Variants in SEMA3E observed in about 807,000 individuals in gnomAD.
SEMA3E encodes the protein semaphorin 3E.
In SEMA3E, 49 loss-of-function variants were observed where a neutral mutation model predicts 93.6. The ratio of observed to expected loss-of-function variants is 0.52; its 90% CI spans 0.42 to 0.66. SEMA3E has a LOEUF of 0.66. SEMA3E is among the 30% of genes least tolerant of loss of function. The pLI, the probability that SEMA3E is intolerant of heterozygous loss-of-function variation, is 0.00. For synonymous variants in SEMA3E, 363 were observed against 330.7 expected (o/e 1.10, Z -1.06); for missense variants, 906 against 964.8 (o/e 0.94, Z 0.81).
At chr7:83,394,466 A>G (rs2115590165) in intron 12 of SEMA3E, 128 bp from the exon 13 acceptor site, 1 of 755,180 alleles carries the variant, frequency 1.3e-6, no homozygotes, top group South Asian at 1.8e-5. Context: ...TATAGCTTTC[A>G]TTTTAGTAAA....
rs1167452294 is a variant in SEMA3E, at chr7:83,371,020, G to C, written c.1876-2982C>G. On this transcript the variant is annotated intron_variant, in intron 16 of 16. Coordinates refer to ENST00000643230, the MANE Select transcript of SEMA3E (RefSeq NM_012431.3). ...GCTTAATGTAGTGTTTCTCAAACTA[G>C]CGTTGGTGGAAGAGGTGCATTTGTG... is the stretch of plus-strand genomic sequence containing the variant. Among the ~76,000 whole-genome samples, 5 of 151,344 alleles carry C rather than the reference G, an allele frequency of 3.3e-5. No individual in the cohort carries two copies. In the Admixed American group the frequency reaches 3.3e-4, roughly 10 times the overall value.
At chr7:83,632,380 T>G (rs1482634113) in intron 1 of SEMA3E, among the ~76,000 whole-genome samples, 2 of 152,130 alleles carry the variant, frequency 1.3e-5, no homozygotes, top group East Asian at 3.9e-4. Context: ...CACCCAAATC[T>G]CAGCTTTAAT....
At chr7:83,636,486 G>A (rs1288832187) in intron 1 of SEMA3E, among the ~76,000 whole-genome samples, 1 of 152,066 alleles carries the variant, frequency 6.6e-6, no homozygotes, top group African/African-American at 2.4e-5. Flanking sequence ...TATATTAAAT[G>A]CAATACATAA....
intron 12 of SEMA3E, among the ~76,000 whole-genome samples, 187 bp from the exon 13 acceptor site, chr7:83,394,525 C>G (rs1290312918): frequency 2.6e-5 from 4 of 152,070 alleles, no homozygotes; most frequent in Admixed American, 2.6e-4. Flanking sequence ...TTGTTTCTAA[C>G]AGGGTGGGCA....
At chr7:83,576,622 T>C (rs1048469397) in intron 1 of SEMA3E, among the ~76,000 whole-genome samples, 3 of 152,104 alleles carry the variant, frequency 2.0e-5, no homozygotes, top group Non-Finnish European at 4.4e-5. Flanking sequence ...TCTCTCTATA[T>C]ATAATTTTTA....
intron 16 of SEMA3E, chr7:83,372,605 A>C (rs951475628): frequency 9.3e-6 from 2 of 215,528 alleles, no homozygotes; most frequent in African/African-American, 4.5e-5. Flanking sequence ...GTACATATAA[A>C]GTCCAGATTG....
At chr7:83,489,757 C>T (rs1451557363) in intron 2 of SEMA3E, among the ~76,000 whole-genome samples, 1 of 151,970 alleles carries the variant, frequency 6.6e-6, no homozygotes, top group Non-Finnish European at 1.5e-5. Flanking sequence ...AACATTTCTT[C>T]AAGCTTGCGC....
At chr7:83,407,655 T>A (rs1788356057) in intron 6 of SEMA3E, among the ~76,000 whole-genome samples, 1 of 152,164 alleles carries the variant, frequency 6.6e-6, no homozygotes, top group Admixed American at 6.6e-5. Context: ...TATCATAATT[T>A]ATTTTTAATT....
At chr7:83,487,038 C>A (rs940411706) in intron 2 of SEMA3E, among the ~76,000 whole-genome samples, 1 of 152,094 alleles carries the variant, frequency 6.6e-6, no homozygotes, top group Non-Finnish European at 1.5e-5. Flanking sequence ...CATAAAGCCT[C>A]ATCACTCTCC....
intron 1 of SEMA3E, among the ~76,000 whole-genome samples, chr7:83,549,551 T>G (rs1791718355): frequency 6.6e-6 from 1 of 152,134 alleles, no homozygotes; most frequent in South Asian, 2.1e-4. Context: ...TGCTCATATT[T>G]AGGTATTTCA....
rs116258403 is a variant in SEMA3E, at chr7:83,648,810, C to T, written c.-268G>A. 2.6e-3 allele frequency: 1,091 copies of T among 418,718 alleles called. 10 individuals carry two copies. Among genetic ancestry groups the T allele is most frequent in the African/African-American group, 0.015 (736 of 49,026 alleles). The allele number at this position is 418,718 out of a possible 1,614,324, so 25.9% of individuals were successfully genotyped here. Reference sequence around the variant, plus strand: ...AGAGCCATGTCCTGTCTAGAGCGCTCTTCAGCAACTACGCCGGTAGATTCA... The same window carrying T: ...AGAGCCATGTCCTGTCTAGAGCGCTTTTCAGCAACTACGCCGGTAGATTCA... On this transcript the variant is annotated 5_prime_UTR_variant, in exon 1 of 17. Coordinates refer to ENST00000643230, the MANE Select transcript of SEMA3E (RefSeq NM_012431.3).
chr7:83,624,513 A>G (rs2115645291), intron 1 of SEMA3E, among the ~76,000 whole-genome samples: 1 of 152,196 alleles, frequency 6.6e-6, no homozygotes. Flanking sequence ...TGGCCACTTA[A>G]GTGTCTTCTT....
At chr7:83,425,355 T>G (rs1562776471) in intron 4 of SEMA3E, among the ~76,000 whole-genome samples, 1 of 152,180 alleles carries the variant, frequency 6.6e-6, no homozygotes, top group Non-Finnish European at 1.5e-5. Flanking sequence ...CTATTTTTAG[T>G]GTTCCTTTCT....
intron 1 of SEMA3E, among the ~76,000 whole-genome samples, chr7:83,632,011 C>T (rs552934467): frequency 1.4e-4 from 22 of 152,008 alleles, no homozygotes; most frequent in African/African-American, 3.4e-4. Context: ...CAAAATTAGC[C>T]GGGCATGGTG....
At chr7:83,599,931 A>G (rs1792949229) in intron 1 of SEMA3E, among the ~76,000 whole-genome samples, 1 of 152,226 alleles carries the variant, frequency 6.6e-6, no homozygotes, top group African/African-American at 2.4e-5. Context: ...ACATTTTTGA[A>G]TGGGCCTTTT....
chr7:83,508,571 A>G (rs1277517776), intron 1 of SEMA3E, among the ~76,000 whole-genome samples: 1 of 152,040 alleles, frequency 6.6e-6, no homozygotes, highest in Non-Finnish European at 1.5e-5. Context: ...TTATAATTTT[A>G]TTTTTCAAAG....
At chr7:83,414,728 C>A (rs550343805) in intron 5 of SEMA3E, among the ~76,000 whole-genome samples, 1 of 152,030 alleles carries the variant, frequency 6.6e-6, no homozygotes, top group Non-Finnish European at 1.5e-5. Flanking sequence ...AATACTCCAA[C>A]AACAAAGTTA....
chr7:83,608,323 G>T (rs540810421), intron 1 of SEMA3E, among the ~76,000 whole-genome samples: 4 of 152,152 alleles, frequency 2.6e-5, no homozygotes, highest in Non-Finnish European at 5.9e-5. Context: ...TTGTCCAGTT[G>T]TCTCTTTTGT....
chr7:83,400,260 A>T lies in SEMA3E; in HGVS notation c.1144-10T>A. 6.2e-7 allele frequency: 1 copy of T among 1,612,134 alleles called. No homozygotes were observed. The highest frequency in any genetic ancestry group is 8.5e-7 in the Non-Finnish European group (1 of 1,178,212). On this transcript the variant is annotated splice_polypyrimidine_tract_variant and intron_variant, in intron 10 of 16. Coordinates refer to ENST00000643230, the MANE Select transcript of SEMA3E (RefSeq NM_012431.3). The stretch of plus-strand genomic sequence containing the variant: ...TTACTTTGCTGGCACACTGAAAAAC[A>T]AGTGGATCAGATAATTCTTTTTGCT...
Sources: allele counts gnomAD v4.1 joint callset (sites outside exome capture counted in the v4.1 genomes callset), GRCh38; gene constraint gnomAD v4.1.1; transcripts MANE v1.5; gene names NCBI Gene and HGNC (gene_info 2026-07-23, HGNC 2026-07-21).